The following STX12 variants were observed in gnomAD, a reference collection of about 807,000 sequenced individuals.
The protein encoded by STX12 is syntaxin-12.
STX12 carries 17 observed loss-of-function variants against 42.2 expected under a neutral mutation model. The observed-to-expected ratio is 0.40, with a 90% CI of 0.28 to 0.60. The LOEUF (loss-of-function observed/expected upper bound fraction) is 0.60. Ranked by LOEUF, STX12 falls within the 20% of genes least tolerant of loss-of-function variation. The pLI is 0.39. For missense variants in STX12, 297 were observed against 330.9 expected (o/e 0.90, Z 0.79); for synonymous variants, 108 against 116.7 (o/e 0.93, Z 0.48).
intron 4 of STX12, among the ~76,000 whole-genome samples, chr1:27,804,552 C>T (rs2088848329): frequency 6.6e-6 from 1 of 151,928 alleles, no homozygotes; most frequent in South Asian, 2.1e-4. Context: ...TGGCTCACGC[C>T]TGTAATCCCA....
intron 1 of STX12, among the ~76,000 whole-genome samples, chr1:27,777,615 G>C (rs1393918716): frequency 6.6e-6 from 1 of 152,064 alleles, no homozygotes; most frequent in Admixed American, 6.6e-5. Context: ...GGCCGGACAC[G>C]GTGACTCACG....
chr1:27,786,959 T>C (rs1296839947), intron 1 of STX12, among the ~76,000 whole-genome samples: 14 of 152,206 alleles, frequency 9.2e-5, no homozygotes, highest in Admixed American at 9.2e-4. Flanking sequence ...CATAATGCTA[T>C]CTTAGCAGAA....
chr1:27,777,608 C>T (rs547042819), intron 1 of STX12, among the ~76,000 whole-genome samples: 7 of 152,210 alleles, frequency 4.6e-5, no homozygotes, highest in South Asian at 4.1e-4. Flanking sequence ...TCTTCCAGGC[C>T]GGACACGGTG....
rs574130070 is a variant in STX12 at position 27,805,537 on chromosome 1, T to C, written c.426+3722T>C. On this transcript the variant is annotated intron_variant, in intron 4 of 8. Coordinates refer to ENST00000373943, the MANE Select transcript of STX12 (RefSeq NM_177424.3). Reference sequence around the variant, plus strand: ...CTCCATACTAAAGATGTAAATGATTTATATAACACCATTACAGTATTAGAA... The same window carrying C: ...CTCCATACTAAAGATGTAAATGATTCATATAACACCATTACAGTATTAGAA... Among the ~76,000 whole-genome samples, 310 of 152,362 alleles carry C rather than the reference T, an allele frequency of 2.0e-3. 3 individuals are homozygous for C. Among genetic ancestry groups the C allele is most frequent in the African/African-American group, 7.2e-3 (299 of 41,582 alleles).
chr1:27,779,872 A>G (rs781187693), intron 1 of STX12, among the ~76,000 whole-genome samples: 15 of 150,832 alleles, frequency 9.9e-5, no homozygotes, highest in South Asian at 2.1e-4. Context: ...GCTCACCACA[A>G]CCTCTGCCTC....
intron 1 of STX12, among the ~76,000 whole-genome samples, chr1:27,786,218 T>C (rs767363841): frequency 2.6e-5 from 4 of 152,200 alleles, no homozygotes; most frequent in Non-Finnish European, 5.9e-5. Flanking sequence ...CTGCTGTCTC[T>C]TGCTCACTCT....
At chr1:27,790,265 A>G (rs1229147132) in intron 2 of STX12, among the ~76,000 whole-genome samples, 3 of 152,200 alleles carry the variant, frequency 2.0e-5, no homozygotes, top group African/African-American at 7.2e-5. Flanking sequence ...CAGCTCTTTA[A>G]GGTGGTGCGG....
At chr1:27,803,613 T>C (rs897602512) in intron 4 of STX12, among the ~76,000 whole-genome samples, 2 of 151,864 alleles carry the variant, frequency 1.3e-5, no homozygotes, top group Admixed American at 6.6e-5. Context: ...CAGAAAGAAA[T>C]GAAGAACAAA....
intron 1 of STX12, among the ~76,000 whole-genome samples, chr1:27,782,242 G>A (rs2148597367): frequency 6.6e-6 from 1 of 152,256 alleles, no homozygotes; most frequent in Non-Finnish European, 1.5e-5. Flanking sequence ...TAGGACTACA[G>A]GCACGCACCA....
intron 5 of STX12, among the ~76,000 whole-genome samples, chr1:27,811,260 T>G (rs895903975): frequency 7.6e-6 from 1 of 131,052 alleles, no homozygotes; most frequent in Admixed American, 8.4e-5. Flanking sequence ...CGGAGTGAAG[T>G]AAGCGCCACT....
At position 27,823,113 on chromosome 1, in the gene STX12, T is replaced by A. The variant is rs2088995992; in HGVS notation, c.*784T>A. 6.6e-6 allele frequency: 1 copy of A among 152,246 alleles called. No homozygotes were observed. The allele number at this position is 152,246 out of a possible 1,614,324, so 9.4% of individuals were successfully genotyped here. On this transcript the variant is annotated 3_prime_UTR_variant, in exon 9 of 9. Transcript: ENST00000373943. Reference sequence around the variant, plus strand: ...TAGAAAGGCAGAATTAGACATAGCATGCTTTGGAAAAGCAAATAGGAATTG... The same window carrying A: ...TAGAAAGGCAGAATTAGACATAGCAAGCTTTGGAAAAGCAAATAGGAATTG...
At chr1:27,782,708 C>T (rs889889589) in intron 1 of STX12, among the ~76,000 whole-genome samples, 3 of 152,064 alleles carry the variant, frequency 2.0e-5, no homozygotes. Context: ...TGGTGGTGGG[C>T]ACCTGTAATC....
chr1:27,819,358 C>T (rs1294858911), intron 7 of STX12, among the ~76,000 whole-genome samples: 1 of 149,830 alleles, frequency 6.7e-6, no homozygotes, highest in Non-Finnish European at 1.5e-5. Flanking sequence ...CTCTTGTTAA[C>T]ATTCTACCCC....
intron 1 of STX12, among the ~76,000 whole-genome samples, chr1:27,779,034 T>G (rs2088646278): frequency 6.6e-6 from 1 of 152,180 alleles, no homozygotes. Context: ...CAAGAAGAGT[T>G]GAACATTTAA....
intron 4 of STX12, among the ~76,000 whole-genome samples, chr1:27,806,777 A>G (rs1571528742): frequency 6.6e-6 from 1 of 152,202 alleles, no homozygotes; most frequent in African/African-American, 2.4e-5. Flanking sequence ...GCGTGGCTGG[A>G]TAGGCCTCAG....
At chr1:27,778,489 G>A (rs965084658) in intron 1 of STX12, among the ~76,000 whole-genome samples, 1 of 152,028 alleles carries the variant, frequency 6.6e-6, no homozygotes, top group Non-Finnish European at 1.5e-5. Context: ...TCAGGCATTC[G>A]AGACCAGCCT....
chr1:27,793,729 C>A, intron 3 of STX12, 97 bp downstream of exon 3: 1 of 912,614 alleles, frequency 1.1e-6, no homozygotes, highest in Non-Finnish European at 1.7e-6. Context: ...GCCTTTGGTG[C>A]TAGATAGATA....
intron 1 of STX12, 43 bp downstream of exon 1, chr1:27,773,468 G>T (rs1411198387): frequency 5.0e-6 from 8 of 1,585,126 alleles, no homozygotes; most frequent in African/African-American, 1.3e-5. Context: ...CTGTCCCGGG[G>T]ACAGGCCTGG....
At chr1:27,807,355 C>T (rs993491807) in intron 4 of STX12, among the ~76,000 whole-genome samples, 1 of 152,076 alleles carries the variant, frequency 6.6e-6, no homozygotes, top group Admixed American at 6.6e-5. Context: ...GCCACCAGTC[C>T]CCCACCATTG....
Sources: allele counts gnomAD v4.1 joint callset (sites outside exome capture counted in the v4.1 genomes callset), GRCh38; gene constraint gnomAD v4.1.1; transcripts MANE v1.5; gene names NCBI Gene and HGNC (gene_info 2026-07-23, HGNC 2026-07-21).